GSE1: variants seen among roughly 807,000 people sequenced by gnomAD.
The protein encoded by GSE1 is Gse1 coiled-coil protein.
Under a neutral mutation model 112.6 loss-of-function variants are expected in GSE1, and 32 were observed. That is an observed-to-expected ratio of 0.28 (90% CI 0.21 to 0.38). The LOEUF is 0.38. GSE1 is among the 10% of genes least tolerant of loss of function. The probability of loss-of-function intolerance (pLI) is 1.00; values close to 1 mark genes in which losing one functional copy is unlikely to be tolerated. For synonymous variants in GSE1, 1,115 were observed against 735.6 expected (o/e 1.52, Z -8.35); for missense variants, 2,348 against 1,699.2 (o/e 1.38, Z -6.71).
intron 1 of GSE1, among the ~76,000 whole-genome samples, chr16:85,289,963 A>G (rs1394486423): frequency 2.0e-5 from 3 of 152,124 alleles, no homozygotes; most frequent in African/African-American, 7.2e-5. Flanking sequence ...AGGAATTTGC[A>G]TTTTTTAACA....
chr16:85,665,118 C>T lies in GSE1; in HGVS notation c.2748C>T (p.Val916=). The change falls in exon 12 of 16, where the codon GTC becomes GTT. Residue 916 remains valine, a synonymous_variant. Coordinates refer to ENST00000253458, the MANE Select transcript of GSE1 (RefSeq NM_014615.5). ...ACTCTCCGAGGGACAGTCCTGCCGT[C>T]TCCCTGAGTGGTAAGGGAAGGATAG... ...LTNSPRDSPA[V]SLSEPATQQA... 1.3e-6 allele frequency: 2 copies of T among 1,597,924 alleles called. No homozygotes were observed. Among genetic ancestry groups the T allele is most frequent in the Non-Finnish European group, 1.7e-6 (2 of 1,165,786 alleles).
At chr16:85,433,932 G>C (rs2049182128) in intron 2 of GSE1, among the ~76,000 whole-genome samples, 1 of 152,174 alleles carries the variant, frequency 6.6e-6, no homozygotes, top group Non-Finnish European at 1.5e-5. Flanking sequence ...CTCTGGCTCT[G>C]GGAGGGGAAG....
intron 2 of GSE1, among the ~76,000 whole-genome samples, chr16:85,478,861 T>C (rs531432739): frequency 4.4e-4 from 13 of 29,542 alleles, no homozygotes; most frequent in Admixed American, 3.5e-3. Context: ...CTTTCTTTCT[T>C]TCTTTCTTTC....
intron 1 of GSE1, among the ~76,000 whole-genome samples, chr16:85,614,143 A>T (rs1179985835): frequency 3.0e-5 from 4 of 132,962 alleles, no homozygotes; most frequent in Non-Finnish European, 4.7e-5. Context: ...GAGGGATTGC[A>T]CATCCGCCGC....
intron 2 of GSE1, among the ~76,000 whole-genome samples, chr16:85,391,086 C>T (rs534941213): frequency 5.3e-5 from 8 of 151,430 alleles, no homozygotes; most frequent in South Asian, 2.1e-4. Context: ...TCCCAGGCAC[C>T]GCCCCCCCAC....
chr16:85,633,995 C>G lies in GSE1; in HGVS notation c.89C>G (p.Thr30Ser). The change falls in exon 2 of 16, where the codon ACC becomes AGC. Residue 30 changes from threonine to serine, a missense_variant. Thr to Ser is a moderately conservative substitution (Grantham distance 58). Coordinates refer to ENST00000253458, the MANE Select transcript of GSE1 (RefSeq NM_014615.5). ...TRTTATVNPL[T>S]PSPLNGALVP... is the part of the protein sequence containing the mutation. The stretch of plus-strand genomic sequence containing the variant: ...ACCACCGCCACCGTCAACCCCCTCA[C>G]CCCCTCGCCGCTCAATGGCGCCCTG... 3 of 1,613,016 alleles carry G rather than the reference C, an allele frequency of 1.9e-6. No homozygotes were observed. The highest frequency in any genetic ancestry group is 2.5e-6 in the Non-Finnish European group (3 of 1,179,708).
chr16:85,452,644 C>G (rs917954425), intron 2 of GSE1, among the ~76,000 whole-genome samples: 1 of 152,252 alleles, frequency 6.6e-6, no homozygotes, highest in Non-Finnish European at 1.5e-5. Context: ...CTGTTCCCAC[C>G]TGTGGGAGGC....
chr16:85,221,525 G>C (rs755266731), intron 1 of GSE1, among the ~76,000 whole-genome samples: 12 of 152,130 alleles, frequency 7.9e-5, no homozygotes, highest in Admixed American at 2.0e-4. Flanking sequence ...CCTCTACAGG[G>C]ATGACCTGGT....
intron 1 of GSE1, among the ~76,000 whole-genome samples, chr16:85,630,416 C>T (rs2049444654): frequency 6.6e-6 from 1 of 152,194 alleles, no homozygotes; most frequent in Non-Finnish European, 1.5e-5. Context: ...GTGATCATAG[C>T]TCACTGTAGC....
chr16:85,642,493 G>A (rs940011197), intron 2 of GSE1, among the ~76,000 whole-genome samples: 4 of 152,194 alleles, frequency 2.6e-5, no homozygotes, highest in Non-Finnish European at 5.9e-5. Flanking sequence ...CCTTCCAAGG[G>A]GCTGAGACAG....
intron 1 of GSE1, among the ~76,000 whole-genome samples, chr16:85,352,435 C>A (rs1270397603): frequency 6.6e-6 from 1 of 152,178 alleles, no homozygotes; most frequent in Non-Finnish European, 1.5e-5. Context: ...CTGCTTGAGC[C>A]CCTTGAACTG....
At chr16:85,510,807 A>AGGCCTCATGGCTTC in intron 2 of GSE1, among the ~76,000 whole-genome samples, 1 of 151,610 alleles carries the variant, frequency 6.6e-6, no homozygotes, top group South Asian at 2.1e-4. Context: ...CCTGCCTCAC[A>AGGCCTCATGGCTTC]GGCCTCATGG....
intron 1 of GSE1, among the ~76,000 whole-genome samples, chr16:85,249,673 C>T (rs988106771): frequency 1.3e-5 from 2 of 152,202 alleles, no homozygotes; most frequent in Non-Finnish European, 1.5e-5. Context: ...AGGCCTGGTC[C>T]TGGGGCTCCC....
At chr16:85,439,237 C>T (rs943369009) in intron 2 of GSE1, among the ~76,000 whole-genome samples, 1 of 152,210 alleles carries the variant, frequency 6.6e-6, no homozygotes, top group African/African-American at 2.4e-5. Context: ...GAGGTGGGGC[C>T]CGGGAACAGG....
chr16:85,302,611 C>G (rs1252430423), intron 1 of GSE1, among the ~76,000 whole-genome samples: 2 of 152,188 alleles, frequency 1.3e-5, no homozygotes, highest in Non-Finnish European at 2.9e-5. Context: ...ATCACCAGGG[C>G]TGCTGGTTTA....
At chr16:85,608,213 C>A (rs3935120), upstream of GSE1, among the ~76,000 whole-genome samples, 17 of 152,212 alleles carry the variant, frequency 1.1e-4, no homozygotes, top group South Asian at 3.3e-3. Context: ...GGGGCTTGCA[C>A]CTTCACCGAT....
In GSE1 at chr16:85,672,468, C is replaced by T; in HGVS notation, c.3583C>T (p.His1195Tyr). ...GGAGCGGCTCCAGGCAGAACTGGAC[C>T]ACTTACGAAAGTGCCTTGCCTTGCC... ...ERERLQAELD[H>Y]LRKCLALPAM... The change falls in exon 16 of 16, where the codon CAC (histidine) becomes TAC (tyrosine). Residue 1195 changes from histidine (H) to tyrosine (Y), a missense_variant. Transcript: ENST00000253458. 1.2e-6 allele frequency: 2 copies of T among 1,610,438 alleles called. No individual in the cohort carries two copies. The highest frequency in any genetic ancestry group is 1.1e-5 in the South Asian group (1 of 90,800).
intron 2 of GSE1, among the ~76,000 whole-genome samples, chr16:85,476,173 C>T (rs940574535): frequency 6.6e-6 from 1 of 152,228 alleles, no homozygotes; most frequent in African/African-American, 2.4e-5. Flanking sequence ...CTCAAGTGAT[C>T]CTCCTGCCTG....
At chr16:85,241,839 G>T (rs1387156215) in intron 1 of GSE1, among the ~76,000 whole-genome samples, 1 of 152,050 alleles carries the variant, frequency 6.6e-6, no homozygotes, top group Admixed American at 6.5e-5. Context: ...GCCCTTTATG[G>T]TATCTCATGG....
Sources: allele counts gnomAD v4.1 joint callset (sites outside exome capture counted in the v4.1 genomes callset), GRCh38; gene constraint gnomAD v4.1.1; transcripts MANE v1.5; gene names NCBI Gene and HGNC (gene_info 2026-07-23, HGNC 2026-07-21).